ADGRF5: variants seen among roughly 807,000 people sequenced by gnomAD.
ADGRF5 encodes adhesion G protein-coupled receptor F5.
ADGRF5 carries 75 observed loss-of-function variants against 132.3 expected under a neutral mutation model. The observed-to-expected ratio is 0.57, with a 90% CI of 0.47 to 0.69. The LOEUF (loss-of-function observed/expected upper bound fraction) is 0.69. Ranked by LOEUF, ADGRF5 falls within the 30% of genes least tolerant of loss-of-function variation. ADGRF5 has a pLI of 0.00. For missense variants in ADGRF5, 1,516 were observed against 1,630.6 expected (o/e 0.93, Z 1.21); for synonymous variants, 629 against 597.6 (o/e 1.05, Z -0.77).
chr6:46,882,928 G>T (rs1189901564), intron 6 of ADGRF5, among the ~76,000 whole-genome samples: 5 of 152,160 alleles, frequency 3.3e-5, no homozygotes, highest in African/African-American at 1.2e-4. Flanking sequence ...CAGGAGAAGG[G>T]AAGTCATTAT....
At position 46,897,294 on chromosome 6, in the gene ADGRF5, C is replaced by A. The variant is rs553042134; in HGVS notation, c.157+2735G>T. On this transcript the variant is annotated intron_variant, in intron 3 of 20. Transcript: ENST00000283296. Reference sequence around the variant, plus strand: ...CCTATCTTTAAAGATGATTCTATTCCAAATGCTAAAGATTTTGTCCAGTGA... The same window carrying A: ...CCTATCTTTAAAGATGATTCTATTCAAAATGCTAAAGATTTTGTCCAGTGA... 4.6e-5 allele frequency among the ~76,000 whole-genome samples: 7 copies of A among 151,526 alleles called. No individual in the cohort carries two copies. In the South Asian group the frequency reaches 1.5e-3, roughly 32 times the overall value.
rs759816951 is a variant in ADGRF5 at position 46,854,034 on chromosome 6, T to C, written c.3999A>G (p.Ser1333=). ...YNVSTPEATS[S]SLENSSSASS... ...AAGCACTGGATGAGTTTTCCAGGGA[T>C]GAGCTGGTTGCTTCTGGGGTGGAAA... The change falls in exon 21 of 21, where the codon TCA becomes TCG. Residue 1333 remains serine, a synonymous_variant. Transcript: ENST00000283296. 1.9e-6 allele frequency: 3 copies of C among 1,605,022 alleles called. No homozygotes were observed. In the South Asian group the frequency reaches 3.3e-5, roughly 18 times the overall value.
rs988281222 is a variant in ADGRF5 at position 46,876,242 on chromosome 6, G to A, written c.1240+1960C>T. On this transcript the variant is annotated intron_variant, in intron 10 of 20. Transcript: ENST00000283296. ...CACGGTGCAGGTCCCCAGGCTGCCAGCCCTGAGGCAGGAAATCCATTGTTC... is the reference window on the plus strand; with the variant it reads ...CACGGTGCAGGTCCCCAGGCTGCCAACCCTGAGGCAGGAAATCCATTGTTC... 6.6e-5 allele frequency among the ~76,000 whole-genome samples: 10 copies of A among 152,354 alleles called. No individual in the cohort carries two copies. The South Asian group carries it at 2.1e-3, about 32-fold the overall frequency.
chr6:46,862,703 C>CTTATTTTTTTT (rs1769908919), intron 15 of ADGRF5, among the ~76,000 whole-genome samples, 185 bp downstream of exon 15: 1 of 26,506 alleles, frequency 3.8e-5, no homozygotes, highest in African/African-American at 1.6e-4. Context: ...TGAATTGAGG[C>CTTATTTTTTTT]TTTTTTTTTT....
intron 3 of ADGRF5, among the ~76,000 whole-genome samples, chr6:46,891,122 G>C (rs1010916252): frequency 6.6e-6 from 1 of 152,194 alleles, no homozygotes; most frequent in African/African-American, 2.4e-5. Context: ...AATTAAGAGT[G>C]AATATTAAGG....
At chr6:46,954,199 T>C (rs1437554228) in intron 1 of ADGRF5, among the ~76,000 whole-genome samples, 1 of 151,896 alleles carries the variant, frequency 6.6e-6, no homozygotes. Flanking sequence ...AACCACAAAT[T>C]CTAGAAAATA....
Position 46,868,902 on chromosome 6 carries a change from G to T in ADGRF5, c.1602C>A (p.Thr534=). The change falls in exon 12 of 21, where the codon ACC becomes ACA. Residue 534 remains threonine (T), a synonymous_variant. Transcript: ENST00000283296. ...DGAESVLTVK[T]STREWNGTYH... ...ACTCACCATTCCACTCCCTGGTCGA[G>T]GTCTTGACTGTCAGTACTGATTCTG... 6.2e-7 allele frequency: 1 copy of T among 1,610,636 alleles called. No homozygotes were observed. The highest frequency in any genetic ancestry group is 8.5e-7 in the Non-Finnish European group (1 of 1,176,966).
intron 1 of ADGRF5, among the ~76,000 whole-genome samples, chr6:46,939,361 G>A (rs1161564453): frequency 6.6e-6 from 1 of 152,144 alleles, no homozygotes; most frequent in Non-Finnish European, 1.5e-5. Flanking sequence ...AAGGTGTGGA[G>A]GGGCACAGGA....
In ADGRF5 at chr6:46,900,062, C is replaced by A; in HGVS notation, c.124G>T (p.Ala42Ser). The change falls in exon 3 of 21, where the codon GCT becomes TCT. Residue 42 changes from alanine to serine, a missense_variant. Around this residue, in one of 2 missense-constraint regions of ADGRF5, gnomAD observed 945 missense variants for 929.4 expected, o/e 1.02. Coordinates refer to ENST00000283296, the MANE Select transcript of ADGRF5 (RefSeq NM_001098518.2). ...TTTTGCCTCAGTGCCTCTTCACCAG[C>A]TGGTTCATGTTCATGAAGACTCTGA... ...HPLSLHEHEP[A>S]GEEALRQKRA... The A allele has an allele frequency of 1.2e-6, 2 of 1,612,912 alleles. No homozygotes were observed. The highest frequency in any genetic ancestry group is 1.7e-6 in the Non-Finnish European group (2 of 1,178,950).
chr6:46,934,337 A>T (rs1284979152), intron 1 of ADGRF5, among the ~76,000 whole-genome samples: 1 of 152,208 alleles, frequency 6.6e-6, no homozygotes, highest in Non-Finnish European at 1.5e-5. Context: ...CTTGGACCAG[A>T]TCTTTTATTG....
In ADGRF5 at chr6:46,858,967, T is replaced by A; in HGVS notation, c.2936A>T (p.Asp979Val). ...ACAGATACAGGTGACATTGTCCCCA[T>A]CACCTTCTTCTACATAGCACCCACT... ...DSSGCYVEEG[D>V]GDNVTCICDH... is the part of the protein sequence containing the mutation. The change falls in exon 17 of 21, where the codon GAT (aspartate) becomes GTT (valine). Residue 979 changes from aspartate to valine, a missense_variant. Asp to Val is a radical substitution (Grantham distance 152). Coordinates refer to ENST00000283296, the MANE Select transcript of ADGRF5 (RefSeq NM_001098518.2). 6.2e-7 allele frequency: 1 copy of A among 1,613,964 alleles called. No homozygotes were observed. The highest frequency in any genetic ancestry group is 2.2e-5 in the East Asian group (1 of 44,868).
chr6:46,948,833 C>T (rs1043829981), intron 1 of ADGRF5, among the ~76,000 whole-genome samples: 2 of 152,134 alleles, frequency 1.3e-5, no homozygotes, highest in African/African-American at 4.8e-5. Flanking sequence ...TTGATCCAAC[C>T]GAGGTGATGA....
At chr6:46,926,796 G>A (rs75581764), upstream of ADGRF5, among the ~76,000 whole-genome samples, 1 of 152,182 alleles carries the variant, frequency 6.6e-6, no homozygotes, top group East Asian at 1.9e-4. Context: ...GAGAAGAGCA[G>A]GTATTTGAGG....
At chr6:46,896,046 C>T (rs1460515373) in intron 3 of ADGRF5, among the ~76,000 whole-genome samples, 2 of 152,178 alleles carry the variant, frequency 1.3e-5, no homozygotes, top group African/African-American at 2.4e-5. Flanking sequence ...GCGAGCATTT[C>T]CTCTGCTTCT....
At chr6:46,882,665 G>A (rs1331064933) in intron 6 of ADGRF5, among the ~76,000 whole-genome samples, 1 of 152,242 alleles carries the variant, frequency 6.6e-6, no homozygotes, top group African/African-American at 2.4e-5. Flanking sequence ...AGGTACCTAG[G>A]TGGTTGCTAT....
intron 20 of ADGRF5, 145 bp downstream of exon 20, chr6:46,855,829 T>A (rs1394721009): frequency 3.2e-5 from 20 of 628,224 alleles, no homozygotes; most frequent in Non-Finnish European, 5.8e-5. Context: ...TGTGAAAATG[T>A]AAGTTCCTCT....
In ADGRF5 at chr6:46,888,359, T is replaced by C; in HGVS notation, c.304A>G (p.Ile102Val). The C allele has an allele frequency of 6.2e-7, 1 of 1,610,982 alleles. No individual in the cohort carries two copies. The highest frequency in any genetic ancestry group is 8.5e-7 in the Non-Finnish European group (1 of 1,177,158). The change falls in exon 4 of 21, where the codon ATT becomes GTT. Residue 102 changes from isoleucine to valine, a missense_variant. Transcript: ENST00000283296. ...HGNNTDQITD[I>V]LSINVTTVCR... The stretch of plus-strand genomic sequence containing the variant: ...CCTGTTGTCACATTTATGCTCAAAA[T>C]GTCGGTAATTTGGTCAGTGTTATTC...
intron 4 of ADGRF5, among the ~76,000 whole-genome samples, chr6:46,887,430 C>T (rs1378592925): frequency 1.3e-5 from 2 of 152,158 alleles, no homozygotes; most frequent in African/African-American, 4.8e-5. Context: ...TCATAATGCA[C>T]ATTGGCATCC....
chr6:46,870,080 A>G (rs1770880265), intron 11 of ADGRF5, among the ~76,000 whole-genome samples: 1 of 152,162 alleles, frequency 6.6e-6, no homozygotes, highest in African/African-American at 2.4e-5. Flanking sequence ...TCAGTCTTCT[A>G]TAAGTGAACA....
Sources: allele counts gnomAD v4.1 joint callset (sites outside exome capture counted in the v4.1 genomes callset), GRCh38; gene constraint gnomAD v4.1.1; regional missense constraint gnomAD v4.1.1; transcripts MANE v1.5; gene names NCBI Gene and HGNC (gene_info 2026-07-23, HGNC 2026-07-21).